Variants in ANKRD26 observed in about 807,000 individuals in gnomAD.
The protein encoded by ANKRD26 is ankyrin repeat domain-containing protein 26.
In ANKRD26, 141 loss-of-function variants were observed where a neutral mutation model predicts 208.7. That is an observed-to-expected ratio of 0.68 (90% CI 0.59 to 0.78). The LOEUF (loss-of-function observed/expected upper bound fraction) is 0.78. Among genes scored for constraint, ANKRD26 ranks in the 30% least tolerant of loss-of-function variants. The pLI is 0.00. For missense variants in ANKRD26, 1,889 were observed against 1,938.7 expected (o/e 0.97, Z 0.48); for synonymous variants, 636 against 660.4 (o/e 0.96, Z 0.57).
chr10:27,057,709 T>C (rs1459712008), intron 15 of ANKRD26, among the ~76,000 whole-genome samples: 1 of 152,100 alleles, frequency 6.6e-6, no homozygotes, highest in South Asian at 2.1e-4. Flanking sequence ...GAGGCCAAGA[T>C]GGGTGGATCA....
intron 29 of ANKRD26, among the ~76,000 whole-genome samples, chr10:27,019,344 C>T (rs2053411690): frequency 6.6e-6 from 1 of 151,912 alleles, no homozygotes; most frequent in African/African-American, 2.4e-5. Context: ...AAAGCTTCTG[C>T]ACAGCAAAGG....
At chr10:26,999,770 A>G (rs1203031818), downstream of ANKRD26, among the ~76,000 whole-genome samples, 3 of 146,176 alleles carry the variant, frequency 2.1e-5, no homozygotes, top group Non-Finnish European at 3.0e-5. Context: ...GGGGTTCAGA[A>G]TTCATCAAAT....
the ANKRD26 span, among the ~76,000 whole-genome samples, chr10:26,962,531 C>T: frequency 7.2e-5 from 11 of 152,128 alleles, no homozygotes; most frequent in South Asian, 6.2e-4. Context: ...GCCGAGATCA[C>T]GCCATTGCAC....
At position 27,071,417 on chromosome 10, in the gene ANKRD26, G is replaced by A. The variant is rs181501254; in HGVS notation, c.1078-4131C>T. On this transcript the variant is annotated intron_variant, in intron 9 of 33. Transcript: ENST00000376087. ...TCTCGATCTCCTGACCTCGTGATCC[G>A]CCCGCCTCGGCTTGCCAAAGTGCTG... Among the ~76,000 whole-genome samples the A allele has an allele frequency of 3.9e-3, 591 of 150,986 alleles. 3 individuals are homozygous for A. Among genetic ancestry groups the A allele is most frequent in the African/African-American group, 0.012 (499 of 41,156 alleles).
At chr10:26,990,834 A>G (rs952575025), downstream of ANKRD26, among the ~76,000 whole-genome samples, 1 of 152,224 alleles carries the variant, frequency 6.6e-6, no homozygotes, top group Non-Finnish European at 1.5e-5. Flanking sequence ...TCAGCAAAAT[A>G]AACACTGATC....
chr10:27,082,737 G>A, intron 6 of ANKRD26, 66 bp downstream of exon 6: 13 of 1,522,570 alleles, frequency 8.5e-6, no homozygotes, highest in Non-Finnish European at 1.1e-5. Flanking sequence ...CCCAGAGTAG[G>A]GCACTCAACA....
the ANKRD26 span, among the ~76,000 whole-genome samples, chr10:26,952,616 G>A: frequency 9.2e-5 from 14 of 152,262 alleles, no homozygotes; most frequent in African/African-American, 3.4e-4. Context: ...AGGCGACAAA[G>A]CGAGACTCTC....
In ANKRD26 at chr10:27,005,559, CAT is replaced by C. The variant is rs2052843206; in HGVS notation, c.*29_*30del. On this transcript the variant is annotated 3_prime_UTR_variant, in exon 34 of 34. Coordinates refer to ENST00000376087, the MANE Select transcript of ANKRD26 (RefSeq NM_014915.3). ...ATATTTAATGAGAAACAAAATGTCA[CAT>C]AAACAGCCCAGTAATAAAATCTTAT... is the stretch of plus-strand genomic sequence containing the variant. 1.3e-6 allele frequency: 2 copies of C among 1,596,442 alleles called. No homozygotes were observed. The highest frequency in any genetic ancestry group is 1.7e-6 in the Non-Finnish European group (2 of 1,166,648).
intron 18 of ANKRD26, among the ~76,000 whole-genome samples, chr10:27,045,283 G>C (rs1254187417): frequency 6.6e-6 from 1 of 152,208 alleles, no homozygotes; most frequent in East Asian, 1.9e-4. Context: ...AAATAGCCGG[G>C]CATGGTGGTG....
downstream of ANKRD26, among the ~76,000 whole-genome samples, chr10:26,969,820 T>A (rs1229206116): frequency 2.6e-5 from 4 of 151,902 alleles, no homozygotes; most frequent in Non-Finnish European, 5.9e-5. Context: ...TGTTTTTTTT[T>A]TTTTTTTAAT....
Position 27,046,418 on chromosome 10 carries a change from T to C in ANKRD26, c.1920A>G (p.Leu640=). The C allele has an allele frequency of 6.2e-7, 1 of 1,614,164 alleles. No individual in the cohort carries two copies. The highest frequency in any genetic ancestry group is 2.2e-5 in the East Asian group (1 of 44,870). ...NSPVFGKASL[L]TGGLLQVDDD... ...CATCCACTTGTAGCAGGCCACCAGT[T>C]AGTAAACTGGCCTTCCCAAACACTG... Residue 640 remains leucine (L), a synonymous_variant, in exon 18 of 34, where the codon CTA becomes CTG. Transcript: ENST00000376087.
intron 20 of ANKRD26, among the ~76,000 whole-genome samples, chr10:27,042,194 T>A (rs1321141534): frequency 1.3e-5 from 2 of 152,132 alleles, no homozygotes; most frequent in Admixed American, 1.3e-4. Flanking sequence ...GCAAATGCAG[T>A]GGGAAAAGGC....
intron 16 of ANKRD26, 29 bp downstream of exon 16, chr10:27,053,291 A>C (rs2054725328): frequency 3.3e-6 from 5 of 1,527,998 alleles, no homozygotes; most frequent in Non-Finnish European, 4.5e-6. Flanking sequence ...AACAATATTA[A>C]ACCAGAAATT....
At position 27,005,542 on chromosome 10, in the gene ANKRD26, T is replaced by G; in HGVS notation, c.*48A>C. On this transcript the variant is annotated 3_prime_UTR_variant, in exon 34 of 34. Transcript: ENST00000376087. ...TTACATGTCATATATTAATATTTAATGAGAAACAAAATGTCACATAAACAG... is the reference window on the plus strand; with the variant it reads ...TTACATGTCATATATTAATATTTAAGGAGAAACAAAATGTCACATAAACAG... 6.3e-6 allele frequency: 10 copies of G among 1,586,492 alleles called. No individual in the cohort carries two copies. Among genetic ancestry groups the G allele is most frequent in the East Asian group, 4.5e-5 (2 of 44,408 alleles).
At chr10:26,990,966 G>C (rs1043189940), downstream of ANKRD26, among the ~76,000 whole-genome samples, 2 of 152,192 alleles carry the variant, frequency 1.3e-5, no homozygotes, top group Non-Finnish European at 2.9e-5. Context: ...TAATAATGGG[G>C]ACCAGGCTAA....
At chr10:27,058,856 G>A (rs750039031) in intron 15 of ANKRD26, among the ~76,000 whole-genome samples, 3 of 151,892 alleles carry the variant, frequency 2.0e-5, no homozygotes, top group Admixed American at 6.6e-5. Context: ...GATTATAGGC[G>A]TGAGGCACCG....
chr10:27,037,351 T>C (rs1254837242), intron 22 of ANKRD26, 28 bp from the exon 23 acceptor site: 16 of 1,612,588 alleles, frequency 9.9e-6, no homozygotes, highest in Non-Finnish European at 1.4e-5. Flanking sequence ...TTTAGGTCTA[T>C]TAGCATTTTG....
At position 27,067,421 on chromosome 10, in the gene ANKRD26, G is replaced by GC. The variant is rs1554789157; in HGVS notation, c.1078-136_1078-135insG. The GC allele has an allele frequency of 1.2e-4, 94 of 799,820 alleles. 1 individual carries two copies. Among genetic ancestry groups the GC allele is most frequent in the Non-Finnish European group, 1.6e-4 (92 of 558,722 alleles). 49.5% of individuals were successfully genotyped at this position (799,820 alleles called of 1,614,324 possible). On this transcript the variant is annotated intron_variant, in intron 9 of 33. Transcript: ENST00000376087. The stretch of plus-strand genomic sequence containing the variant: ...CCTGGTCATCCAAGATGGGGGCATA[G>GC]TTTTTTTTTTTTAAAGAAACACCTG...
intron 5 of ANKRD26, 22 bp from the exon 6 acceptor site, chr10:27,082,855 C>T: frequency 6.3e-7 from 1 of 1,581,202 alleles, no homozygotes; most frequent in African/African-American, 1.4e-5. Context: ...AAAAGTAAAA[C>T]ACACTTTAAA....
Sources: gnomAD v4.1 joint callset for allele counts (sites outside exome capture counted in the v4.1 genomes callset) on GRCh38, gnomAD v4.1.1 for gene constraint, MANE v1.5 for transcripts, NCBI Gene and HGNC (gene_info 2026-07-23, HGNC 2026-07-21) for gene names.